The following UBE2E2 variants were observed in gnomAD, a reference collection of about 807,000 sequenced individuals.
UBE2E2 encodes ubiquitin conjugating enzyme E2 E2.
UBE2E2 carries 6 observed loss-of-function variants against 24.7 expected under a neutral mutation model. The ratio of observed to expected loss-of-function variants is 0.24; its 90% confidence interval spans 0.13 to 0.48. The LOEUF is 0.48. Among genes scored for constraint, UBE2E2 ranks in the 20% least tolerant of loss-of-function variants. The pLI is 0.99. For synonymous variants in UBE2E2, 104 were observed against 83.6 expected (o/e 1.24, Z -1.33); for missense variants, 169 against 245.0 (o/e 0.69, Z 2.07).
chr3:23,208,041 A>T, intron 1 of UBE2E2, among the ~76,000 whole-genome samples: 1 of 149,658 alleles, frequency 6.7e-6, no homozygotes, highest in South Asian at 2.1e-4. Flanking sequence ...TTTTTTATTA[A>T]TTTTTTTTTT....
intron 5 of UBE2E2, among the ~76,000 whole-genome samples, chr3:23,588,479 C>G (rs369501036): frequency 6.8e-6 from 1 of 147,778 alleles, no homozygotes; most frequent in African/African-American, 2.5e-5. Flanking sequence ...TGTGGTGGCA[C>G]GATCATAGCT....
intron 4 of UBE2E2, among the ~76,000 whole-genome samples, chr3:23,520,126 T>A (rs1253643934): frequency 6.7e-6 from 1 of 149,520 alleles, no homozygotes; most frequent in African/African-American, 2.5e-5. Flanking sequence ...TTTCTTTAAT[T>A]AAAAAAAAAA....
chr3:23,276,214 C>G (rs1169264265), intron 3 of UBE2E2, among the ~76,000 whole-genome samples: 3 of 151,810 alleles, frequency 2.0e-5, no homozygotes, highest in Non-Finnish European at 2.9e-5. Flanking sequence ...TAGGTACATC[C>G]TACCTTCCCC....
At chr3:23,290,277 A>G (rs562387570) in intron 3 of UBE2E2, among the ~76,000 whole-genome samples, 40 of 152,338 alleles carry the variant, frequency 2.6e-4, no homozygotes, top group African/African-American at 9.6e-4. Context: ...TTTGTGGACC[A>G]TTCTTGAAGC....
chr3:23,304,307 T>TC (rs1699185090), intron 3 of UBE2E2, among the ~76,000 whole-genome samples: 3 of 152,328 alleles, frequency 2.0e-5, no homozygotes, highest in African/African-American at 7.2e-5. Context: ...ACTGTTTTTT[T>TC]CCACATTATT....
At chr3:23,235,997 A>C (rs1437614689) in intron 3 of UBE2E2, among the ~76,000 whole-genome samples, 1 of 152,102 alleles carries the variant, frequency 6.6e-6, no homozygotes, top group African/African-American at 2.4e-5. Context: ...GGAAATGATG[A>C]ATTTGTGTGT....
intron 4 of UBE2E2, among the ~76,000 whole-genome samples, chr3:23,527,846 G>A (rs878975817): frequency 1.4e-3 from 216 of 150,126 alleles, no homozygotes; most frequent in African/African-American, 4.9e-3. Flanking sequence ...CTTATGGCTC[G>A]TACCTTACCT....
intron 3 of UBE2E2, among the ~76,000 whole-genome samples, chr3:23,444,647 C>G (rs1012194387): frequency 1.3e-5 from 2 of 152,324 alleles, no homozygotes; most frequent in South Asian, 4.1e-4. Flanking sequence ...CCCTGGAGGG[C>G]AGTGCTCCAA....
At chr3:23,237,962 T>C (rs1697160091) in intron 3 of UBE2E2, among the ~76,000 whole-genome samples, 1 of 152,192 alleles carries the variant, frequency 6.6e-6, no homozygotes, top group South Asian at 2.1e-4. Flanking sequence ...TTTTCCGCTT[T>C]AGTTTGTCTT....
intron 3 of UBE2E2, among the ~76,000 whole-genome samples, chr3:23,494,335 A>G (rs1426780832): frequency 6.6e-6 from 1 of 152,230 alleles, no homozygotes; most frequent in Non-Finnish European, 1.5e-5. Context: ...ATACATTCCA[A>G]GTATTACCAT....
intron 3 of UBE2E2, among the ~76,000 whole-genome samples, chr3:23,282,645 A>G (rs796162126): frequency 5.9e-5 from 9 of 152,296 alleles, no homozygotes; most frequent in East Asian, 1.9e-4. Flanking sequence ...TTCGTCTTTC[A>G]GGATACAAAT....
intron 3 of UBE2E2, among the ~76,000 whole-genome samples, chr3:23,326,560 A>G (rs1377881192): frequency 1.3e-5 from 2 of 152,182 alleles, no homozygotes; most frequent in African/African-American, 2.4e-5. Context: ...GCCTTTTTCT[A>G]AATAATTTAT....
intron 5 of UBE2E2, among the ~76,000 whole-genome samples, chr3:23,536,748 A>G (rs1041999673): frequency 6.6e-6 from 1 of 152,236 alleles, no homozygotes; most frequent in Non-Finnish European, 1.5e-5. Flanking sequence ...AATATGGAAG[A>G]TACTGAGATT....
At chr3:23,323,030 T>C (rs1694787202) in intron 3 of UBE2E2, among the ~76,000 whole-genome samples, 1 of 152,006 alleles carries the variant, frequency 6.6e-6, no homozygotes. Context: ...ATATATAATA[T>C]CGTGTCTATA....
intron 3 of UBE2E2, among the ~76,000 whole-genome samples, chr3:23,298,234 C>T (rs987046490): frequency 2.6e-5 from 4 of 152,206 alleles, no homozygotes; most frequent in Non-Finnish European, 4.4e-5. Flanking sequence ...CGTCTGCAAA[C>T]AGGGACAATT....
At chr3:23,308,646 C>A (rs147869334) in intron 3 of UBE2E2, among the ~76,000 whole-genome samples, 1 of 152,046 alleles carries the variant, frequency 6.6e-6, no homozygotes, top group East Asian at 1.9e-4. Context: ...GGATCGCTTA[C>A]AAGATTAGCT....
intron 3 of UBE2E2, among the ~76,000 whole-genome samples, chr3:23,457,500 A>G (rs1289700030): frequency 2.6e-5 from 4 of 152,168 alleles, no homozygotes; most frequent in East Asian, 1.9e-4. Flanking sequence ...CAGCTTCTCC[A>G]TCAGCTGCTG....
At chr3:23,480,630 G>GAA (rs34377610) in intron 3 of UBE2E2, among the ~76,000 whole-genome samples, 3,732 of 109,688 alleles carry the variant, frequency 0.034, 169 homozygotes, top group African/African-American at 0.12. Flanking sequence ...CTTGTCTCAG[G>GAA]AAAAAAAAAA....
At chr3:23,536,239 C>G (rs1695260289) in intron 5 of UBE2E2, among the ~76,000 whole-genome samples, 1 of 152,110 alleles carries the variant, frequency 6.6e-6, no homozygotes, top group African/African-American at 2.4e-5. Context: ...GGCCTTCAGA[C>G]CTATTTAAAA....
Sources: allele counts gnomAD v4.1 joint callset (sites outside exome capture counted in the v4.1 genomes callset), GRCh38; gene constraint gnomAD v4.1.1; transcripts MANE v1.5; gene names NCBI Gene and HGNC (gene_info 2026-07-23, HGNC 2026-07-21).